UCK2: variants seen among roughly 807,000 people sequenced by gnomAD.
The protein encoded by UCK2 is uridine-cytidine kinase 2, also known as cytidine monophosphokinase 2.
In UCK2, 6 loss-of-function variants were observed where a neutral mutation model predicts 30.8. The observed-to-expected ratio is 0.19, with a 90% CI of 0.11 to 0.38. The LOEUF (loss-of-function observed/expected upper bound fraction) is 0.38. UCK2 is among the 10% of genes least tolerant of loss of function. UCK2 has a pLI of 1.00. For missense variants in UCK2, 210 were observed against 339.8 expected (o/e 0.62, Z 3.00); for synonymous variants, 125 against 133.6 (o/e 0.94, Z 0.45).
intron 3 of UCK2, chr1:165,892,326 CT>C (rs1655792170): frequency 6.6e-6 from 1 of 151,938 alleles, no homozygotes; most frequent in Non-Finnish European, 1.5e-5. Context: ...AACATCAAGG[CT>C]GGGAGAGTGA....
intron 1 of UCK2, among the ~76,000 whole-genome samples, chr1:165,844,769 C>CAAAACAAA (rs1654407950): frequency 6.6e-6 from 1 of 151,930 alleles, no homozygotes; most frequent in East Asian, 1.9e-4. Context: ...CATAAAAACC[C>CAAAACAAA]AAAAGGACAG....
At chr1:165,885,411 G>A (rs1288452658) in intron 1 of UCK2, 1 of 398,496 alleles carries the variant, frequency 2.5e-6, no homozygotes, top group Non-Finnish European at 4.4e-6. Flanking sequence ...CACCTTCACT[G>A]ATTTGTTCCA....
chr1:165,849,291 A>T (rs886906037), intron 1 of UCK2, among the ~76,000 whole-genome samples: 1 of 152,124 alleles, frequency 6.6e-6, no homozygotes, highest in African/African-American at 2.4e-5. Flanking sequence ...AACTAGGTGG[A>T]GGTGGTCAGG....
intron 4 of UCK2, among the ~76,000 whole-genome samples, chr1:165,898,624 A>C (rs867039376): frequency 3.3e-5 from 5 of 152,226 alleles, no homozygotes; most frequent in Non-Finnish European, 7.3e-5. Flanking sequence ...TGCAGGAACC[A>C]GCACAGGAGA....
At chr1:165,841,111 G>GTGTGTA (rs1467504223) in intron 1 of UCK2, among the ~76,000 whole-genome samples, 3 of 144,936 alleles carry the variant, frequency 2.1e-5, no homozygotes, top group African/African-American at 7.8e-5. Flanking sequence ...GTGTGTGTGT[G>GTGTGTA]TATATATATA....
intron 1 of UCK2, among the ~76,000 whole-genome samples, chr1:165,881,780 C>T (rs1655506519): frequency 6.6e-6 from 1 of 152,176 alleles, no homozygotes; most frequent in African/African-American, 2.4e-5. Flanking sequence ...GTCTAAAGAG[C>T]AGAGCCAAAC....
chr1:165,837,156 G>A lies in UCK2; in HGVS notation c.99+9224G>A, dbSNP rs183502279. 9.7e-4 allele frequency among the ~76,000 whole-genome samples: 147 copies of A among 152,234 alleles called. 2 individuals carry two copies. The Middle Eastern group carries it at 0.034, about 35-fold the overall frequency. On this transcript the variant is annotated intron_variant, in intron 1 of 6. Transcript: ENST00000367879. Reference sequence around the variant, plus strand: ...CCACTTCCCAACACTGCCACATTGGGCATCAAGTTTTCAACACGTGAACTT... The same window carrying A: ...CCACTTCCCAACACTGCCACATTGGACATCAAGTTTTCAACACGTGAACTT...
chr1:165,868,395 G>A (rs760067174), intron 1 of UCK2, among the ~76,000 whole-genome samples: 1 of 152,174 alleles, frequency 6.6e-6, no homozygotes, highest in Non-Finnish European at 1.5e-5. Flanking sequence ...CTCTAGCTGC[G>A]AAAGTCTTAG....
intron 1 of UCK2, among the ~76,000 whole-genome samples, chr1:165,870,004 C>G (rs1655154912): frequency 6.6e-6 from 1 of 151,906 alleles, no homozygotes. Context: ...CTTTTGTTGC[C>G]TGTGCTTTCA....
At chr1:165,905,501 T>C (rs1388760405) in intron 5 of UCK2, among the ~76,000 whole-genome samples, 2 of 148,630 alleles carry the variant, frequency 1.3e-5, no homozygotes, top group East Asian at 2.0e-4. Flanking sequence ...AAAGAGAGAG[T>C]GAGAGAGAAT....
rs769222634 is a variant in UCK2, at chr1:165,896,365, G to A, written c.499+33G>A. 9 of 1,612,464 alleles carry A rather than the reference G, an allele frequency of 5.6e-6. No individual in the cohort carries two copies. The South Asian group carries it at 6.6e-5, about 12-fold the overall frequency. Reference sequence around the variant, plus strand: ...CTAAAAGCCTCAGGTGGCCCTGTTGGTGGCCACCTTGAGGGCGGGGGAGCT... The same window carrying A: ...CTAAAAGCCTCAGGTGGCCCTGTTGATGGCCACCTTGAGGGCGGGGGAGCT... On this transcript the variant is annotated intron_variant, in intron 4 of 6. Coordinates refer to ENST00000367879, the MANE Select transcript of UCK2 (RefSeq NM_012474.5).
intron 1 of UCK2, among the ~76,000 whole-genome samples, chr1:165,835,372 T>C (rs1654162998): frequency 1.3e-5 from 2 of 151,638 alleles, no homozygotes; most frequent in South Asian, 4.1e-4. Context: ...ATTATTATTA[T>C]TATTATTATT....
At chr1:165,847,948 A>AC (rs374898307) in intron 1 of UCK2, among the ~76,000 whole-genome samples, 67 of 152,168 alleles carry the variant, frequency 4.4e-4, no homozygotes, top group African/African-American at 1.5e-3. Flanking sequence ...TGATCTGCCC[A>AC]CTTTGGCCTC....
At chr1:165,877,412 T>G (rs1045609536) in intron 1 of UCK2, among the ~76,000 whole-genome samples, 1 of 152,206 alleles carries the variant, frequency 6.6e-6, no homozygotes, top group African/African-American at 2.4e-5. Context: ...TACTGCTGTT[T>G]TGCTGTTTAT....
At chr1:165,870,002 G>T (rs1655154740) in intron 1 of UCK2, among the ~76,000 whole-genome samples, 1 of 151,772 alleles carries the variant, frequency 6.6e-6, no homozygotes, top group East Asian at 1.9e-4. Flanking sequence ...TTCTTTTGTT[G>T]CCTGTGCTTT....
At chr1:165,884,763 T>C (rs1266282354) in intron 1 of UCK2, among the ~76,000 whole-genome samples, 1 of 152,194 alleles carries the variant, frequency 6.6e-6, no homozygotes, top group South Asian at 2.1e-4. Flanking sequence ...AGAAATATCC[T>C]TTGTGTAGCA....
At chr1:165,875,517 T>C (rs1655312242) in intron 1 of UCK2, among the ~76,000 whole-genome samples, 1 of 152,124 alleles carries the variant, frequency 6.6e-6, no homozygotes. Flanking sequence ...CTGGAGATAG[T>C]GTCAAATCCC....
At position 165,897,466 on chromosome 1, in the gene UCK2, G is replaced by A. The variant is rs551093293; in HGVS notation, c.499+1134G>A. On this transcript the variant is annotated intron_variant, in intron 4 of 6. Transcript: ENST00000367879. Reference sequence around the variant, plus strand: ...AATCGACCAGGACCCAGCAAGGGCAGTGGGTGGAGGCGACTGAATAGAGGA... The same window carrying A: ...AATCGACCAGGACCCAGCAAGGGCAATGGGTGGAGGCGACTGAATAGAGGA... Among the ~76,000 whole-genome samples, 7 of 152,318 alleles carry A rather than the reference G, an allele frequency of 4.6e-5. No individual in the cohort carries two copies. In the East Asian group the frequency reaches 1.2e-3, roughly 25 times the overall value.
At chr1:165,869,760 G>A (rs1655150115) in intron 1 of UCK2, among the ~76,000 whole-genome samples, 1 of 143,892 alleles carries the variant, frequency 6.9e-6, no homozygotes, top group African/African-American at 2.6e-5. Flanking sequence ...AGGCTCAAGC[G>A]ATCCTCTGCT....
Sources: allele counts gnomAD v4.1 joint callset (sites outside exome capture counted in the v4.1 genomes callset), GRCh38; gene constraint gnomAD v4.1.1; transcripts MANE v1.5; gene names NCBI Gene and HGNC (gene_info 2026-07-23, HGNC 2026-07-21).